Variants in DPP6 observed in about 807,000 individuals in gnomAD.
DPP6 encodes the protein A-type potassium channel modulatory protein DPP6.
A neutral mutation model predicts 122.6 loss-of-function variants in DPP6; 69 were observed. The observed-to-expected ratio is 0.56, with a 90% CI of 0.46 to 0.69. The LOEUF (loss-of-function observed/expected upper bound fraction) is 0.69, where lower values mean the gene tolerates loss of function less well. DPP6 is among the 30% of genes least tolerant of loss of function. DPP6 has a pLI of 0.00. For missense variants in DPP6, 928 were observed against 1,116.9 expected (o/e 0.83, Z 2.41); for synonymous variants, 418 against 433.1 (o/e 0.97, Z 0.43).
At chr7:153,886,112 TACAC>T (rs60245538), upstream of DPP6, among the ~76,000 whole-genome samples, 28,108 of 140,204 alleles carry the variant, frequency 0.2, 2,638 homozygotes, top group Admixed American at 0.24. Context: ...GGCACGCCCT[TACAC>T]ACACACACAC....
the DPP6 span, among the ~76,000 whole-genome samples, chr7:153,811,944 T>C: frequency 6.6e-6 from 1 of 152,154 alleles, no homozygotes; most frequent in Non-Finnish European, 1.5e-5. Context: ...TGAACTCAAG[T>C]GGCAGTTGAG....
intron 1 of DPP6, among the ~76,000 whole-genome samples, chr7:154,307,790 A>G (rs1419951200): frequency 6.6e-6 from 1 of 151,906 alleles, no homozygotes; most frequent in African/African-American, 2.4e-5. Context: ...CTGGTTGCTA[A>G]TGAAACTTCA....
chr7:153,814,637 C>T, the DPP6 span, among the ~76,000 whole-genome samples: 4 of 152,136 alleles, frequency 2.6e-5, no homozygotes, highest in Non-Finnish European at 2.9e-5. Flanking sequence ...ATACCAAAGC[C>T]GGGCAGAGAC....
chr7:154,476,295 A>T (rs1207373955), intron 3 of DPP6, among the ~76,000 whole-genome samples: 1 of 152,252 alleles, frequency 6.6e-6, no homozygotes, highest in Non-Finnish European at 1.5e-5. Context: ...GGGCACACAG[A>T]AATTAAAAAA....
At chr7:154,405,959 T>C (rs1816050815) in intron 1 of DPP6, among the ~76,000 whole-genome samples, 1 of 152,230 alleles carries the variant, frequency 6.6e-6, no homozygotes, top group Non-Finnish European at 1.5e-5. Flanking sequence ...GGAAGAATTA[T>C]TTGAAATGCG....
the DPP6 span, among the ~76,000 whole-genome samples, chr7:153,775,917 TTAAAAAAGC>T: frequency 1.3e-5 from 2 of 152,186 alleles, no homozygotes; most frequent in East Asian, 3.9e-4. Flanking sequence ...AAAGAAATTT[TTAAAAAAGC>T]TAAATCATTG....
chr7:154,889,605 T>C lies in DPP6; in HGVS notation c.2451+75T>C, dbSNP rs1037671276. The C allele has an allele frequency of 8.4e-6, 13 of 1,548,824 alleles. No homozygotes were observed. In the African/African-American group the frequency reaches 1.8e-4, roughly 21 times the overall value. ...TCATGGAGAAAGACCTGACGGGTGT[T>C]CAGGGCCTTCTACTGCAGCAGACAC... On this transcript the variant is annotated intron_variant, in intron 25 of 25. Coordinates refer to ENST00000377770, the MANE Select transcript of DPP6 (RefSeq NM_130797.4).
In DPP6 at chr7:154,061,910, C is replaced by G. The variant is rs1168595223; in HGVS notation, c.243+8847C>G. On this transcript the variant is annotated intron_variant, in intron 1 of 25. Coordinates refer to ENST00000377770, the MANE Select transcript of DPP6 (RefSeq NM_130797.4). ...ACTGAGAGGCAATCCCTCTTCCCCC[C>G]CTGGCTCTGAGGACCCCCATCGCAG... Among the ~76,000 whole-genome samples, 649 of 132,044 alleles carry G rather than the reference C, an allele frequency of 4.9e-3. 58 individuals are homozygous for G. Among genetic ancestry groups the G allele is most frequent in the African/African-American group, 0.017 (612 of 35,292 alleles). 86.6% of individuals were successfully genotyped at this position (132,044 alleles called of 152,430 possible). A position where few individuals can be genotyped will look rare whatever the true frequency, so the allele number is the denominator to read the frequency against.
At chr7:154,627,310 C>T (rs1467295002) in intron 5 of DPP6, among the ~76,000 whole-genome samples, 13 of 150,922 alleles carry the variant, frequency 8.6e-5, no homozygotes, top group Non-Finnish European at 1.9e-4. Context: ...ATTATCCTGC[C>T]TTAGCCTCCC....
chr7:154,840,312 C>T (rs1801418755), intron 16 of DPP6, among the ~76,000 whole-genome samples: 1 of 152,238 alleles, frequency 6.6e-6, no homozygotes, highest in South Asian at 2.1e-4. Context: ...TCTGCTGTCA[C>T]ACGGTGGACC....
chr7:154,144,252 A>G (rs1193094409), intron 1 of DPP6, among the ~76,000 whole-genome samples: 2 of 151,832 alleles, frequency 1.3e-5, no homozygotes, highest in Non-Finnish European at 2.9e-5. Flanking sequence ...TTAATAACTT[A>G]TTCATTAATT....
chr7:154,772,736 A>G (rs1796318966), intron 9 of DPP6, 109 bp from the exon 10 acceptor site: 1 of 1,439,356 alleles, frequency 6.9e-7, no homozygotes, highest in East Asian at 2.5e-5. Flanking sequence ...ATGGAGCTCC[A>G]GTGTCCTGGA....
intron 3 of DPP6, among the ~76,000 whole-genome samples, chr7:154,534,554 T>C (rs1467188629): frequency 6.6e-6 from 1 of 151,474 alleles, no homozygotes; most frequent in Non-Finnish European, 1.5e-5. Flanking sequence ...ACAAAATCAA[T>C]AGACAAAATT....
intron 1 of DPP6, among the ~76,000 whole-genome samples, chr7:154,287,444 A>G (rs1009845299): frequency 6.6e-6 from 1 of 152,224 alleles, no homozygotes; most frequent in Non-Finnish European, 1.5e-5. Context: ...TCCCAAGGTA[A>G]CAGTCCCTGC....
chr7:154,652,656 C>T (rs1002381579), intron 6 of DPP6, among the ~76,000 whole-genome samples: 17 of 152,072 alleles, frequency 1.1e-4, no homozygotes, highest in African/African-American at 3.6e-4. Context: ...GTCCCTGCTG[C>T]GTCCCTGCTG....
chr7:154,461,316 T>C (rs1158259529), intron 2 of DPP6, among the ~76,000 whole-genome samples: 1 of 152,222 alleles, frequency 6.6e-6, no homozygotes, highest in East Asian at 1.9e-4. Context: ...TAAACAGGTC[T>C]GCAACTAACA....
chr7:154,032,588 A>G (rs1446250377), intron 1 of DPP6, among the ~76,000 whole-genome samples: 2 of 152,212 alleles, frequency 1.3e-5, no homozygotes, highest in Non-Finnish European at 2.9e-5. Context: ...TAATAAAGCA[A>G]TATAAATACA....
intron 1 of DPP6, among the ~76,000 whole-genome samples, chr7:154,214,465 C>T (rs9791730): frequency 0.62 from 94,243 of 151,820 alleles, 31,176 homozygotes; most frequent in Non-Finnish European, 0.73. Context: ...ATTAAATAAA[C>T]AGCCACTGTG....
chr7:154,551,710 A>G (rs913110919), intron 4 of DPP6, among the ~76,000 whole-genome samples: 1 of 152,060 alleles, frequency 6.6e-6, no homozygotes, highest in African/African-American at 2.4e-5. Context: ...AAATTCATAC[A>G]TTTCCCTCTT....
Sources: allele counts gnomAD v4.1 joint callset (sites outside exome capture counted in the v4.1 genomes callset), GRCh38; gene constraint gnomAD v4.1.1; transcripts MANE v1.5; gene names NCBI Gene and HGNC (gene_info 2026-07-23, HGNC 2026-07-21).